The following AGBL4 variants were observed in gnomAD, a reference collection of about 807,000 sequenced individuals.
AGBL4 encodes the protein cytosolic carboxypeptidase 6.
AGBL4 carries 58 observed loss-of-function variants against 66.4 expected under a neutral mutation model. The observed-to-expected ratio is 0.87, with a 90% CI of 0.71 to 1.09. The LOEUF (loss-of-function observed/expected upper bound fraction) is 1.09, where lower values mean the gene tolerates loss of function less well. Among genes scored for constraint, AGBL4 ranks in the 50% least tolerant of loss-of-function variants. The pLI is 0.00. For missense variants in AGBL4, 579 were observed against 631.0 expected (o/e 0.92, Z 0.88); for synonymous variants, 234 against 222.9 (o/e 1.05, Z -0.44).
At chr1:49,595,121 C>T (rs568213725) in intron 3 of AGBL4, among the ~76,000 whole-genome samples, 5 of 152,018 alleles carry the variant, frequency 3.3e-5, no homozygotes, top group African/African-American at 1.2e-4. Flanking sequence ...GATGGAGTCT[C>T]GCTGTCACCC....
At chr1:48,774,682 A>G (rs998958543) in intron 6 of AGBL4, among the ~76,000 whole-genome samples, 3 of 152,238 alleles carry the variant, frequency 2.0e-5, no homozygotes, top group Admixed American at 2.0e-4. Flanking sequence ...TTCTCAAACC[A>G]ACAGCTACAT....
intron 3 of AGBL4, among the ~76,000 whole-genome samples, chr1:49,533,455 T>A (rs749798642): frequency 2.0e-5 from 3 of 152,150 alleles, no homozygotes; most frequent in Non-Finnish European, 4.4e-5. Flanking sequence ...ATTCTTGTTC[T>A]CCCGTTTCCA....
At chr1:50,016,288 G>A (rs556425150) in intron 1 of AGBL4, among the ~76,000 whole-genome samples, 3 of 152,236 alleles carry the variant, frequency 2.0e-5, no homozygotes, top group African/African-American at 4.8e-5. Context: ...CAGGCTGGGC[G>A]TGGTGGCTCA....
At chr1:49,209,698 G>C (rs1303584427) in intron 4 of AGBL4, among the ~76,000 whole-genome samples, 1 of 152,038 alleles carries the variant, frequency 6.6e-6, no homozygotes. Context: ...ACTTTATTAA[G>C]ATTTTAACTA....
intron 3 of AGBL4, among the ~76,000 whole-genome samples, chr1:49,334,334 T>A (rs1490866433): frequency 6.6e-6 from 1 of 152,162 alleles, no homozygotes; most frequent in Non-Finnish European, 1.5e-5. Flanking sequence ...ACTTCTCTTT[T>A]CTGAAACTAA....
chr1:49,996,795 A>C (rs1660398321), intron 1 of AGBL4, among the ~76,000 whole-genome samples: 1 of 152,228 alleles, frequency 6.6e-6, no homozygotes, highest in African/African-American at 2.4e-5. Context: ...AGGAAAGTAT[A>C]TTAACAGCTA....
At chr1:49,146,970 C>T (rs1646230390) in intron 4 of AGBL4, among the ~76,000 whole-genome samples, 1 of 152,206 alleles carries the variant, frequency 6.6e-6, no homozygotes, top group South Asian at 2.1e-4. Context: ...CTTCAGAAAA[C>T]TCAGAATGCT....
chr1:48,889,410 T>C (rs979654429), intron 5 of AGBL4, among the ~76,000 whole-genome samples: 1 of 152,106 alleles, frequency 6.6e-6, no homozygotes, highest in African/African-American at 2.4e-5. Flanking sequence ...GGGAGGGGTA[T>C]AGACAGGAGG....
intron 2 of AGBL4, among the ~76,000 whole-genome samples, chr1:49,759,015 A>T (rs1433151776): frequency 6.6e-6 from 1 of 152,080 alleles, no homozygotes; most frequent in Admixed American, 6.5e-5. Context: ...CCCCAAGCTG[A>T]TCTTGTAATA....
At chr1:49,171,463 G>T (rs987013108) in intron 4 of AGBL4, among the ~76,000 whole-genome samples, 4 of 152,012 alleles carry the variant, frequency 2.6e-5, no homozygotes, top group African/African-American at 9.7e-5. Flanking sequence ...GTTTAGAGTA[G>T]AAACAGATTA....
At chr1:49,061,782 C>G (rs990733619) in intron 4 of AGBL4, among the ~76,000 whole-genome samples, 1 of 152,092 alleles carries the variant, frequency 6.6e-6, no homozygotes, top group African/African-American at 2.4e-5. Flanking sequence ...ATAGAAGTAG[C>G]CTTCATCTTG....
intron 2 of AGBL4, among the ~76,000 whole-genome samples, chr1:49,819,099 T>C (rs1645301941): frequency 6.6e-6 from 1 of 152,170 alleles, no homozygotes. Flanking sequence ...GTATATAATG[T>C]TTCCTGGAAT....
chr1:49,721,316 A>C (rs1361451739), intron 2 of AGBL4, among the ~76,000 whole-genome samples: 2 of 152,154 alleles, frequency 1.3e-5, no homozygotes, highest in Non-Finnish European at 2.9e-5. Context: ...CACTCTTCAC[A>C]ATAAATCTTG....
chr1:48,731,353 T>C (rs1335333639), intron 6 of AGBL4, among the ~76,000 whole-genome samples: 5 of 152,228 alleles, frequency 3.3e-5, no homozygotes, highest in Non-Finnish European at 4.4e-5. Context: ...CCAGTTCAGC[T>C]TGGCTGTCTC....
chr1:48,908,849 G>C (rs1469636020), intron 5 of AGBL4, among the ~76,000 whole-genome samples: 1 of 151,584 alleles, frequency 6.6e-6, no homozygotes, highest in Non-Finnish European at 1.5e-5. Context: ...TTGGTATTTT[G>C]AATGTAATCT....
At chr1:49,528,224 G>T (rs1455839081) in intron 3 of AGBL4, among the ~76,000 whole-genome samples, 2 of 151,972 alleles carry the variant, frequency 1.3e-5, no homozygotes, top group Non-Finnish European at 2.9e-5. Flanking sequence ...GAAAAGCAGA[G>T]AAAAATAAAG....
At chr1:49,910,447 G>A (rs1650700374) in intron 1 of AGBL4, among the ~76,000 whole-genome samples, 1 of 152,164 alleles carries the variant, frequency 6.6e-6, no homozygotes. Context: ...AAAGAGAAAG[G>A]AGGACAAGTG....
At chr1:48,759,251 G>A (rs1467135368) in intron 6 of AGBL4, 1 of 1,575,176 alleles carries the variant, frequency 6.3e-7, no homozygotes, top group African/African-American at 1.4e-5. Context: ...ATGCTCTTGT[G>A]CGCCACTTCG....
intron 3 of AGBL4, among the ~76,000 whole-genome samples, chr1:49,534,060 G>C (rs992518115): frequency 1.4e-5 from 2 of 145,306 alleles, no homozygotes; most frequent in Non-Finnish European, 3.0e-5. Flanking sequence ...ACCACCAATT[G>C]AATAAACATT....
Sources: allele counts gnomAD v4.1 joint callset (sites outside exome capture counted in the v4.1 genomes callset), GRCh38; gene constraint gnomAD v4.1.1; transcripts MANE v1.5; gene names NCBI Gene and HGNC (gene_info 2026-07-23, HGNC 2026-07-21).